TLN2: variants seen among roughly 807,000 people sequenced by gnomAD.
The protein encoded by TLN2 is talin-2.
Under a neutral mutation model 294.7 loss-of-function variants are expected in TLN2, and 118 were observed. That is an observed-to-expected ratio of 0.40 (90% CI 0.34 to 0.47). The LOEUF (loss-of-function observed/expected upper bound fraction) is 0.47. TLN2 is among the 20% of genes least tolerant of loss of function. TLN2 has a pLI of 0.84. For missense variants in TLN2, 3,083 were observed against 3,282.2 expected (o/e 0.94, Z 1.48); for synonymous variants, 1,431 against 1,304.5 (o/e 1.10, Z -2.09).
chr15:62,409,941 A>G (rs2033664381), intron 1 of TLN2, among the ~76,000 whole-genome samples: 2 of 152,182 alleles, frequency 1.3e-5, no homozygotes, highest in Admixed American at 6.5e-5. Context: ...AGGAACCTTT[A>G]TTTTTAGAAA....
intron 16 of TLN2, 39 bp downstream of exon 16, chr15:62,698,906 C>T: frequency 6.3e-7 from 1 of 1,579,982 alleles, no homozygotes. Context: ...AAGTCTCTGC[C>T]CTGGCAGAAA....
At chr15:62,762,608 T>C (rs1027341124) in intron 39 of TLN2, among the ~76,000 whole-genome samples, 155 bp downstream of exon 39, 2 of 152,268 alleles carry the variant, frequency 1.3e-5, no homozygotes, top group Non-Finnish European at 2.9e-5. Flanking sequence ...ACAATAGTAA[T>C]TGCTAACTTA....
At chr15:62,835,621 G>T (rs1383057971) in intron 55 of TLN2, 116 bp from the exon 56 acceptor site, 8 of 1,104,588 alleles carry the variant, frequency 7.2e-6, no homozygotes, top group Admixed American at 1.7e-5. Flanking sequence ...CTGTGCTGTT[G>T]GCAGGAGGCA....
intron 1 of TLN2, among the ~76,000 whole-genome samples, chr15:62,574,640 G>A (rs1313971197): frequency 1.5e-5 from 2 of 133,508 alleles, no homozygotes; most frequent in Non-Finnish European, 1.6e-5. Flanking sequence ...TTTTGTGTGT[G>A]TAATGAGTAT....
At chr15:62,391,679 C>T (rs1009974619) in intron 1 of TLN2, among the ~76,000 whole-genome samples, 6 of 152,222 alleles carry the variant, frequency 3.9e-5, no homozygotes, top group Non-Finnish European at 7.3e-5. Flanking sequence ...GCACAAGGCG[C>T]GCACGACTGC....
rs57806510 is a variant in TLN2 at position 62,825,794 on chromosome 15, A to T, written c.7002+5184A>T. Among the ~76,000 whole-genome samples the T allele has an allele frequency of 2.8e-3, 17 of 6,170 alleles. 1 individual carries two copies. Among genetic ancestry groups the T allele is most frequent in the East Asian group, 0.012 (3 of 242 alleles). 4.0% of individuals were successfully genotyped at this position (6,170 alleles called of 152,430 possible). Reference sequence around the variant, plus strand: ...ATTATATAATATATTATATATTATAATATATATTATATATTATATTATAAT... The same window carrying T: ...ATTATATAATATATTATATATTATATTATATATTATATATTATATTATAAT... On this transcript the variant is annotated intron_variant, in intron 54 of 58. Transcript: ENST00000636159.
At chr15:62,561,528 A>C (rs968094846) in intron 1 of TLN2, 1 of 152,256 alleles carries the variant, frequency 6.6e-6, no homozygotes, top group Non-Finnish European at 1.5e-5. Context: ...CCTGTGGCTA[A>C]CTTCTCCGCC....
At chr15:62,715,386 A>G (rs1001956683) in intron 22 of TLN2, among the ~76,000 whole-genome samples, 2 of 152,252 alleles carry the variant, frequency 1.3e-5, no homozygotes, top group Non-Finnish European at 2.9e-5. Flanking sequence ...ATCTATAGAC[A>G]TCAAGCACAT....
intron 1 of TLN2, among the ~76,000 whole-genome samples, chr15:62,517,939 G>T (rs7170241): frequency 6.6e-6 from 1 of 152,084 alleles, no homozygotes; most frequent in African/African-American, 2.4e-5. Context: ...GAAAAATGGG[G>T]TTAATGATTT....
chr15:62,466,031 C>G (rs1190325206), intron 1 of TLN2, among the ~76,000 whole-genome samples: 1 of 152,118 alleles, frequency 6.6e-6, no homozygotes, highest in Non-Finnish European at 1.5e-5. Context: ...TAGCATTGCT[C>G]CCTTTTCCAG....
At chr15:62,739,270 C>T in intron 30 of TLN2, 78 bp from the exon 31 acceptor site, 1 of 1,480,360 alleles carries the variant, frequency 6.8e-7, no homozygotes, top group Non-Finnish European at 9.1e-7. Flanking sequence ...GAGTCTGTCT[C>T]CCTTCCACAA....
intron 3 of TLN2, among the ~76,000 whole-genome samples, chr15:62,631,825 G>A (rs776477210): frequency 3.3e-5 from 5 of 150,928 alleles, no homozygotes; most frequent in African/African-American, 9.8e-5. Context: ...AACCATCCTC[G>A]TGCCTTGGCT....
At chr15:62,815,890 G>C (rs1034965446) in intron 52 of TLN2, among the ~76,000 whole-genome samples, 1 of 151,990 alleles carries the variant, frequency 6.6e-6, no homozygotes, top group Non-Finnish European at 1.5e-5. Flanking sequence ...TTCTCTCTTT[G>C]CCTGTGTTAC....
chr15:62,788,376 A>C (rs2064846738), intron 45 of TLN2, among the ~76,000 whole-genome samples: 1 of 152,214 alleles, frequency 6.6e-6, no homozygotes, highest in South Asian at 2.1e-4. Context: ...TGTTCTGGGA[A>C]ATTGCCAGTA....
chr15:62,463,716 T>G (rs2036946790), intron 1 of TLN2, among the ~76,000 whole-genome samples: 1 of 152,202 alleles, frequency 6.6e-6, no homozygotes, highest in East Asian at 1.9e-4. Flanking sequence ...AAACCCCGTC[T>G]CTACTAAAAA....
At chr15:62,574,624 A>G (rs2044232186) in intron 1 of TLN2, among the ~76,000 whole-genome samples, 1 of 124,974 alleles carries the variant, frequency 8.0e-6, no homozygotes, top group African/African-American at 3.1e-5. Flanking sequence ...AAAAAAGACT[A>G]TTTCCTTTTG....
intron 51 of TLN2, among the ~76,000 whole-genome samples, chr15:62,806,206 A>G (rs2066269832): frequency 6.6e-6 from 1 of 152,170 alleles, no homozygotes; most frequent in African/African-American, 2.4e-5. Context: ...AAAAAAAAAA[A>G]TGCACGCTGA....
chr15:62,499,085 G>T (rs1354948823), intron 1 of TLN2, among the ~76,000 whole-genome samples: 5 of 151,944 alleles, frequency 3.3e-5, no homozygotes, highest in African/African-American at 1.2e-4. Context: ...CTTGATGACA[G>T]AATTTTTTTT....
intron 1 of TLN2, among the ~76,000 whole-genome samples, chr15:62,534,518 A>G (rs906263641): frequency 1.3e-5 from 2 of 152,202 alleles, no homozygotes; most frequent in Non-Finnish European, 2.9e-5. Flanking sequence ...ACCACCCTCC[A>G]AGAACCTGCA....
Sources: gnomAD v4.1 joint callset for allele counts (sites outside exome capture counted in the v4.1 genomes callset) on GRCh38, gnomAD v4.1.1 for gene constraint, MANE v1.5 for transcripts, NCBI Gene and HGNC (gene_info 2026-07-23, HGNC 2026-07-21) for gene names.